The following SCN3A variants were observed in gnomAD, a reference collection of about 807,000 sequenced individuals.
The protein encoded by SCN3A is sodium voltage-gated channel alpha subunit 3.
SCN3A carries 60 observed loss-of-function variants against 187.6 expected under a neutral mutation model. That is an observed-to-expected ratio of 0.32 (90% confidence interval 0.26 to 0.40). The LOEUF (loss-of-function observed/expected upper bound fraction) is 0.40, where lower values mean the gene tolerates loss of function less well. SCN3A is among the 10% of genes least tolerant of loss of function. The probability of loss-of-function intolerance (pLI) is 1.00; values close to 1 mark genes in which losing one functional copy is unlikely to be tolerated. For synonymous variants in SCN3A, 788 were observed against 829.2 expected (o/e 0.95, Z 0.85); for missense variants, 1,601 against 2,428.2 (o/e 0.66, Z 7.16).
intron 9 of SCN3A, 54 bp downstream of exon 9, chr2:165,162,254 C>CTTTTTTTTTTT: frequency 1.5e-6 from 2 of 1,347,478 alleles, no homozygotes; most frequent in Non-Finnish European, 1.0e-6. Flanking sequence ...TTCCTACCTA[C>CTTTTTTTTTTT]TTTTTTTTTT....
chr2:165,193,553 C>T (rs556023178), intron 1 of SCN3A, among the ~76,000 whole-genome samples: 1 of 152,262 alleles, frequency 6.6e-6, no homozygotes, highest in Non-Finnish European at 1.5e-5. Context: ...CCCTCAGCCA[C>T]ATGTCTCCTA....
intron 9 of SCN3A, among the ~76,000 whole-genome samples, chr2:165,160,919 G>A (rs1331866875): frequency 6.6e-6 from 1 of 152,012 alleles, no homozygotes; most frequent in African/African-American, 2.4e-5. Context: ...GGGATTACAG[G>A]TGTGAGCCAC....
rs936229147 is a variant in SCN3A, at chr2:165,164,290, A to T, written c.602+102T>A. ...ATACACAATCCATATAGTTAACTTG[A>T]CTAACAAGAAAGCTCTACATTTAAT... On this transcript the variant is annotated intron_variant, in intron 6 of 27. Transcript: ENST00000283254. 5.5e-6 allele frequency: 8 copies of T among 1,456,746 alleles called. No homozygotes were observed. In the African/African-American group the frequency reaches 9.9e-5, roughly 18 times the overall value. The allele number at this position is 1,456,746 out of a possible 1,614,324, so 90.2% of individuals were successfully genotyped here.
At chr2:165,126,698 G>T (rs1003719619) in intron 18 of SCN3A, among the ~76,000 whole-genome samples, 1 of 136,068 alleles carries the variant, frequency 7.3e-6, no homozygotes. Context: ...CTCTTTCCTA[G>T]TAACACAACA....
chr2:165,118,275 A>T (rs1047052828), intron 18 of SCN3A, among the ~76,000 whole-genome samples: 1 of 151,924 alleles, frequency 6.6e-6, no homozygotes, highest in South Asian at 2.1e-4. Context: ...CAAGGAAAAA[A>T]CCCTGCCACC....
At chr2:165,155,265 G>T (rs1688947589) in intron 10 of SCN3A, among the ~76,000 whole-genome samples, 1 of 152,104 alleles carries the variant, frequency 6.6e-6, no homozygotes, top group Non-Finnish European at 1.5e-5. Context: ...GAGCAATTAG[G>T]ATTCCTGGCA....
At chr2:165,142,960 C>G (rs1454032552) in intron 12 of SCN3A, among the ~76,000 whole-genome samples, 1 of 152,110 alleles carries the variant, frequency 6.6e-6, no homozygotes, top group Non-Finnish European at 1.5e-5. Flanking sequence ...CCATGATGGT[C>G]AAGCTGGCCT....
chr2:165,098,086 A>G (rs878881087), intron 22 of SCN3A, among the ~76,000 whole-genome samples: 4 of 152,194 alleles, frequency 2.6e-5, no homozygotes, highest in Non-Finnish European at 5.9e-5. Context: ...AAGTTAGGGG[A>G]AAAAGTGGAA....
chr2:165,143,082 A>G (rs181174495), intron 12 of SCN3A, among the ~76,000 whole-genome samples: 59 of 151,058 alleles, frequency 3.9e-4, no homozygotes, highest in African/African-American at 1.4e-3. Context: ...ATTTGAGTGT[A>G]TGTGAATCAC....
rs1690021149 is a variant in SCN3A, at chr2:165,170,214, A to G, written c.383+216T>C. ...TATGTGTTTCCTTTGCACATTCACT[A>G]TCATGGTTGGTTACATATTTTCTTC... On this transcript the variant is annotated intron_variant, in intron 4 of 27. Transcript: ENST00000283254. Among the ~76,000 whole-genome samples the G allele has an allele frequency of 3.3e-5, 5 of 151,910 alleles. No homozygotes were observed. In the South Asian group the frequency reaches 6.2e-4, roughly 19 times the overall value.
chr2:165,139,776 A>AG, intron 13 of SCN3A, 168 bp from the exon 14 acceptor site: 1 of 768,174 alleles, frequency 1.3e-6, no homozygotes, highest in Non-Finnish European at 2.1e-6. Flanking sequence ...TTTTTAAAAA[A>AG]AAGTTATCAC....
chr2:165,100,282 A>G lies in SCN3A; in HGVS notation c.3966+20T>C, dbSNP rs2105659616. 2 of 1,612,094 alleles carry G rather than the reference A, an allele frequency of 1.2e-6. No homozygotes were observed. Among genetic ancestry groups the G allele is most frequent in the Non-Finnish European group, 1.7e-6 (2 of 1,178,534 alleles). ...ACATGTAATTTTGACATGAATAATT[A>G]GAGTGTCTATTCTTCTTACCCTCAT... On this transcript the variant is annotated intron_variant, in intron 22 of 27. Transcript: ENST00000283254.
At chr2:165,116,120 C>G (rs1686357240) in intron 18 of SCN3A, among the ~76,000 whole-genome samples, 1 of 152,068 alleles carries the variant, frequency 6.6e-6, no homozygotes, top group African/African-American at 2.4e-5. Context: ...CAACTTTGAG[C>G]TCTATTTTTC....
intron 16 of SCN3A, chr2:165,130,576 G>T: frequency 7.4e-6 from 3 of 405,100 alleles, no homozygotes; most frequent in Admixed American, 8.2e-5. Flanking sequence ...GTAAACAAAT[G>T]GTATTTTGAT....
intron 25 of SCN3A, 72 bp downstream of exon 25, chr2:165,095,439 A>G: frequency 7.0e-7 from 1 of 1,428,864 alleles, no homozygotes; most frequent in Non-Finnish European, 9.8e-7. Flanking sequence ...GACCACAGGT[A>G]TTCTGGTTAT....
intron 16 of SCN3A, 48 bp downstream of exon 16, chr2:165,131,196 A>G (rs1687294039): frequency 2.4e-6 from 3 of 1,256,910 alleles, no homozygotes; most frequent in Non-Finnish European, 3.3e-6. Flanking sequence ...TTCAATTTCA[A>G]AATAAATGTT....
At chr2:165,156,054 GT>G in intron 9 of SCN3A, 151 bp from the exon 10 acceptor site, 2 of 855,528 alleles carry the variant, frequency 2.3e-6, no homozygotes, top group South Asian at 3.0e-5. Flanking sequence ...ATTGCCCACC[GT>G]GAAACTTATC....
chr2:165,178,763 G>C (rs1303437942), intron 2 of SCN3A, among the ~76,000 whole-genome samples: 2 of 152,002 alleles, frequency 1.3e-5, no homozygotes, highest in Admixed American at 1.3e-4. Context: ...TACATGAATC[G>C]AAAGGTTTGA....
chr2:165,150,071 C>T (rs1688604180), intron 11 of SCN3A, among the ~76,000 whole-genome samples: 1 of 152,130 alleles, frequency 6.6e-6, no homozygotes, highest in African/African-American at 2.4e-5. Context: ...CCTATCAGAG[C>T]AATATAGACT....
Sources: allele counts gnomAD v4.1 joint callset (sites outside exome capture counted in the v4.1 genomes callset), GRCh38; gene constraint gnomAD v4.1.1; transcripts MANE v1.5; gene names NCBI Gene and HGNC (gene_info 2026-07-23, HGNC 2026-07-21).